Variants in UBE3C observed in about 807,000 individuals in gnomAD.
UBE3C encodes ubiquitin-protein ligase E3C.
Under a neutral mutation model 129.4 loss-of-function variants are expected in UBE3C, and 42 were observed. The observed-to-expected ratio is 0.32, with a 90% CI of 0.25 to 0.42. The LOEUF (loss-of-function observed/expected upper bound fraction) is 0.42, where lower values mean the gene tolerates loss of function less well. UBE3C is among the 10% of genes least tolerant of loss of function. The probability of loss-of-function intolerance (pLI) is 1.00; values close to 1 mark genes in which losing one functional copy is unlikely to be tolerated. For missense variants in UBE3C, 1,049 were observed against 1,319.1 expected, an observed-to-expected ratio of 0.80 and a Z score of 3.17; for synonymous variants, 510 against 492.4, an observed-to-expected ratio of 1.04 and a Z score of -0.47.
chr7:157,208,934 T>C (rs1451133438), intron 13 of UBE3C, among the ~76,000 whole-genome samples: 1 of 152,246 alleles, frequency 6.6e-6, no homozygotes, highest in Non-Finnish European at 1.5e-5. Flanking sequence ...TTACAGTCCG[T>C]TTAATACCAG....
At chr7:157,168,752 T>TA (rs2116879222) in intron 2 of UBE3C, among the ~76,000 whole-genome samples, 1 of 152,230 alleles carries the variant, frequency 6.6e-6, no homozygotes, top group South Asian at 2.1e-4. Flanking sequence ...ATCCATAAGA[T>TA]AGAAGTAGAT....
chr7:157,231,465 C>A, intron 18 of UBE3C, 138 bp downstream of exon 18: 1 of 1,310,022 alleles, frequency 7.6e-7, no homozygotes, highest in Non-Finnish European at 1.0e-6. Context: ...AAAAGCACTG[C>A]ACGAAACAAA....
chr7:157,168,228 G>A (rs1433294060), intron 2 of UBE3C, among the ~76,000 whole-genome samples: 1 of 151,224 alleles, frequency 6.6e-6, no homozygotes, highest in East Asian at 2.0e-4. Flanking sequence ...GCGGGTACCT[G>A]TAGTCCCAGC....
chr7:157,237,210 G>C (rs1448925266), intron 18 of UBE3C, among the ~76,000 whole-genome samples: 1 of 152,072 alleles, frequency 6.6e-6, no homozygotes. Context: ...GGGAGGCCGA[G>C]GTGGGCAGAT....
intron 18 of UBE3C, among the ~76,000 whole-genome samples, chr7:157,245,992 CAAAAAAAAAAA>C (rs56270719): frequency 1.2e-5 from 1 of 85,612 alleles, no homozygotes; most frequent in Admixed American, 1.5e-4. Context: ...GACTCCGTCT[CAAAAAAAAAAA>C]AAAAAAAAAA....
At chr7:157,196,020 A>G (rs1809110402) in intron 10 of UBE3C, among the ~76,000 whole-genome samples, 1 of 152,218 alleles carries the variant, frequency 6.6e-6, no homozygotes, top group Admixed American at 6.5e-5. Context: ...AGACGAGGCG[A>G]TAAGCCCAGA....
At chr7:157,186,298 A>G (rs984224590) in intron 9 of UBE3C, among the ~76,000 whole-genome samples, 1 of 151,926 alleles carries the variant, frequency 6.6e-6, no homozygotes, top group Non-Finnish European at 1.5e-5. Flanking sequence ...GAGGCGGGCA[A>G]GTCCCAGCTA....
chr7:157,222,656 C>T (rs1418253285), intron 15 of UBE3C: 1 of 152,264 alleles, frequency 6.6e-6, no homozygotes, highest in East Asian at 1.9e-4. Context: ...CTCCTGAGCT[C>T]AAGGGATGCT....
intron 18 of UBE3C, among the ~76,000 whole-genome samples, chr7:157,232,368 G>A (rs910243076): frequency 1.3e-5 from 2 of 152,148 alleles, no homozygotes; most frequent in African/African-American, 4.8e-5. Flanking sequence ...TTGTTTGTTT[G>A]TTTGAGACGG....
intron 19 of UBE3C, among the ~76,000 whole-genome samples, chr7:157,251,676 C>T (rs909032684): frequency 6.6e-6 from 1 of 152,078 alleles, no homozygotes; most frequent in Non-Finnish European, 1.5e-5. Context: ...ATCTTGCTGT[C>T]CTGAGAACTG....
chr7:157,261,129 C>A (rs1394062090), intron 22 of UBE3C, among the ~76,000 whole-genome samples: 1 of 151,656 alleles, frequency 6.6e-6, no homozygotes, highest in Non-Finnish European at 1.5e-5. Flanking sequence ...ATGATGAAAC[C>A]CCGCCTCTAC....
rs76702370 is a variant in UBE3C, at chr7:157,216,736, G to A, written c.1810-131G>A. On this transcript the variant is annotated intron_variant, in intron 13 of 22. Coordinates refer to ENST00000348165, the MANE Select transcript of UBE3C (RefSeq NM_014671.3). ...CAAAAAGAAGCCCTTTTCTGTGAGC[G>A]GGTTTGGTGTCCGGCTCGACCTGGG... 3.9e-3 allele frequency: 2,642 copies of A among 677,256 alleles called. 48 individuals are homozygous for A. In the African/African-American group the frequency reaches 0.044, roughly 11 times the overall value. 42.0% of individuals were successfully genotyped at this position (677,256 alleles called of 1,614,324 possible). A position where few individuals can be genotyped will look rare whatever the true frequency, so the allele number is the denominator to read the frequency against.
chr7:157,195,289 G>A lies in UBE3C; in HGVS notation c.1332-6432G>A, dbSNP rs536673742. Reference sequence around the variant, plus strand: ...TATGTAAGAGACCCACAAGTTTCTCGACAATGTTATAGCAGCAGAAACACC... The same window carrying A: ...TATGTAAGAGACCCACAAGTTTCTCAACAATGTTATAGCAGCAGAAACACC... On this transcript the variant is annotated intron_variant, in intron 10 of 22. Coordinates refer to ENST00000348165, the MANE Select transcript of UBE3C (RefSeq NM_014671.3). Among the ~76,000 whole-genome samples, 116 of 152,290 alleles carry A rather than the reference G, an allele frequency of 7.6e-4. 1 individual carries two copies. The highest frequency in any genetic ancestry group is 6.8e-3 in the Middle Eastern group (2 of 294).
intron 17 of UBE3C, among the ~76,000 whole-genome samples, chr7:157,230,724 G>A (rs1472454124): frequency 1.4e-5 from 2 of 143,746 alleles, no homozygotes; most frequent in African/African-American, 5.2e-5. Flanking sequence ...ACCTCCTAAT[G>A]TTTTAAGAAT....
intron 18 of UBE3C, among the ~76,000 whole-genome samples, chr7:157,238,302 G>A (rs1255385507): frequency 6.6e-6 from 1 of 152,104 alleles, no homozygotes; most frequent in African/African-American, 2.4e-5. Flanking sequence ...GCAGAATCCG[G>A]CCTGTGTTGT....
chr7:157,205,683 A>G (rs562504824), intron 11 of UBE3C, among the ~76,000 whole-genome samples: 26 of 152,352 alleles, frequency 1.7e-4, no homozygotes, highest in African/African-American at 6.3e-4. Flanking sequence ...TTTTGGAAGA[A>G]TGGCATTCAT....
chr7:157,227,140 G>C (rs1207201172), intron 17 of UBE3C, among the ~76,000 whole-genome samples: 1 of 152,050 alleles, frequency 6.6e-6, no homozygotes, highest in Non-Finnish European at 1.5e-5. Flanking sequence ...TTGAATCCCA[G>C]GGGAAAAAAA....
chr7:157,192,262 C>A lies in UBE3C; in HGVS notation c.1331+5241C>A, dbSNP rs150390788. ...AGAAGCATATTCCACCAAAGTGATT[C>A]TAAATCCCTACCACGTTTTTAAAGT... On this transcript the variant is annotated intron_variant, in intron 10 of 22. Transcript: ENST00000348165. The A allele has an allele frequency of 5.8e-4, 208 of 361,174 alleles. 1 individual carries two copies. Among genetic ancestry groups the A allele is most frequent in the African/African-American group, 4.3e-3 (199 of 46,444 alleles). 22.4% of individuals were successfully genotyped at this position (361,174 alleles called of 1,614,324 possible). A position where few individuals can be genotyped will look rare whatever the true frequency, so the allele number is the denominator to read the frequency against.
rs184677412 is a variant in UBE3C, at chr7:157,180,954, G to A, written c.617-564G>A. Among the ~76,000 whole-genome samples, 51 of 152,244 alleles carry A rather than the reference G, an allele frequency of 3.3e-4. No individual in the cohort carries two copies. In the East Asian group the frequency reaches 8.3e-3, roughly 25 times the overall value. Reference sequence around the variant, plus strand: ...TCAGGAGCCTCCTAAAGCCCACCCCGGGGCCCCAGGTGGAGCAGCATGAGG... The same window carrying A: ...TCAGGAGCCTCCTAAAGCCCACCCCAGGGCCCCAGGTGGAGCAGCATGAGG... On this transcript the variant is annotated intron_variant, in intron 6 of 22. Transcript: ENST00000348165.
Sources: gnomAD v4.1 joint callset for allele counts (sites outside exome capture counted in the v4.1 genomes callset) on GRCh38, gnomAD v4.1.1 for gene constraint, MANE v1.5 for transcripts, NCBI Gene and HGNC (gene_info 2026-07-23, HGNC 2026-07-21) for gene names.